The following PTPN4 variants were observed in gnomAD, a reference collection of about 807,000 sequenced individuals.
PTPN4 encodes tyrosine-protein phosphatase non-receptor type 4.
Under a neutral mutation model 135.5 loss-of-function variants are expected in PTPN4, and 49 were observed. That is an observed-to-expected ratio of 0.36 (90% CI 0.29 to 0.46). PTPN4 has a LOEUF of 0.46. PTPN4 is among the 20% of genes least tolerant of loss of function. The pLI, the probability that PTPN4 is intolerant of heterozygous loss-of-function variation, is 1.00. For missense variants in PTPN4, 860 were observed against 1,101.0 expected (o/e 0.78, Z 3.10); for synonymous variants, 333 against 369.9 (o/e 0.90, Z 1.14).
At chr2:119,840,232 A>C (rs1677359587) in intron 2 of PTPN4, among the ~76,000 whole-genome samples, 1 of 152,140 alleles carries the variant, frequency 6.6e-6, no homozygotes, top group Non-Finnish European at 1.5e-5. Flanking sequence ...CCTGGCATCC[A>C]TTAGGTATTC....
chr2:119,808,853 A>T (rs910102061), intron 1 of PTPN4, among the ~76,000 whole-genome samples: 5 of 152,224 alleles, frequency 3.3e-5, no homozygotes, highest in Admixed American at 3.3e-4. Flanking sequence ...TTTTGAAATG[A>T]ATAATCTGTG....
intron 2 of PTPN4, among the ~76,000 whole-genome samples, chr2:119,853,464 G>C (rs964053976): frequency 3.3e-5 from 5 of 151,842 alleles, no homozygotes; most frequent in African/African-American, 7.3e-5. Flanking sequence ...GCTTTTTTAG[G>C]TGATTCTTGC....
chr2:119,949,445 G>A (rs1558772474), intron 18 of PTPN4, among the ~76,000 whole-genome samples: 1 of 151,900 alleles, frequency 6.6e-6, no homozygotes, highest in Non-Finnish European at 1.5e-5. Flanking sequence ...TTTTATATTG[G>A]ACATCTTCTG....
At chr2:119,916,038 T>G (rs1239223889) in intron 11 of PTPN4, 2 of 144,950 alleles carry the variant, frequency 1.4e-5, no homozygotes, top group African/African-American at 5.1e-5. Context: ...AAAAAAAAAA[T>G]GGAAAAAAAA....
rs536792525 is a variant in PTPN4 at position 119,811,716 on chromosome 2, A to G, written c.138+1725A>G. Among the ~76,000 whole-genome samples the G allele has an allele frequency of 9.2e-4, 140 of 152,226 alleles. No individual in the cohort carries two copies. In the Middle Eastern group the frequency reaches 0.02, roughly 22 times the overall value. On this transcript the variant is annotated intron_variant, in intron 2 of 26. Coordinates refer to ENST00000263708, the MANE Select transcript of PTPN4 (RefSeq NM_002830.4). ...CTACTATTTAGTTTTCATTTTAACT[A>G]TAGTTTTGAATGTATTTCAAAATAT...
intron 1 of PTPN4, among the ~76,000 whole-genome samples, chr2:119,774,738 C>G (rs72969125): frequency 0.025 from 3,840 of 152,212 alleles, 161 homozygotes; most frequent in African/African-American, 0.087. Context: ...TTAAGAAAAT[C>G]ACTGAGGGCC....
intron 10 of PTPN4, among the ~76,000 whole-genome samples, chr2:119,909,217 A>G (rs1441001975): frequency 6.6e-6 from 1 of 152,200 alleles, no homozygotes; most frequent in Non-Finnish European, 1.5e-5. Flanking sequence ...GCCATCTAAG[A>G]CTATCATAGA....
chr2:119,894,202 C>A (rs1277056841), intron 9 of PTPN4, among the ~76,000 whole-genome samples: 3 of 152,108 alleles, frequency 2.0e-5, no homozygotes, highest in Admixed American at 2.0e-4. Context: ...TCATTTTTAA[C>A]CTGCATGTAT....
At chr2:119,782,280 G>T (rs1391294395) in intron 1 of PTPN4, among the ~76,000 whole-genome samples, 1 of 152,088 alleles carries the variant, frequency 6.6e-6, no homozygotes, top group Non-Finnish European at 1.5e-5. Context: ...TTAGCCGGGT[G>T]TGGAGACAGG....
chr2:119,951,895 T>C, intron 18 of PTPN4, 78 bp from the exon 19 acceptor site: 1 of 1,172,314 alleles, frequency 8.5e-7, no homozygotes, highest in East Asian at 2.7e-5. Flanking sequence ...TGCTATTGGG[T>C]CTATTAAAAT....
chr2:119,955,369 T>C, intron 20 of PTPN4, 46 bp downstream of exon 20: 2 of 1,425,870 alleles, frequency 1.4e-6, no homozygotes, highest in Non-Finnish European at 1.9e-6. Flanking sequence ...TGATATTTGC[T>C]AACTAGTTTC....
intron 14 of PTPN4, among the ~76,000 whole-genome samples, chr2:119,933,522 A>G (rs537272462): frequency 6.6e-6 from 1 of 152,128 alleles, no homozygotes. Flanking sequence ...TTACAAAAAC[A>G]TACAAAAATT....
intron 26 of PTPN4, among the ~76,000 whole-genome samples, chr2:119,976,049 A>C (rs1157389365): frequency 6.8e-6 from 1 of 148,038 alleles, no homozygotes; most frequent in Non-Finnish European, 1.5e-5. Flanking sequence ...AGGCTGGAGC[A>C]CAGTGGCGCG....
intron 1 of PTPN4, among the ~76,000 whole-genome samples, chr2:119,787,574 G>A (rs1044118712): frequency 2.6e-5 from 4 of 152,024 alleles, no homozygotes; most frequent in African/African-American, 7.3e-5. Context: ...CTAGTAAGTC[G>A]TCAGTACTTA....
At chr2:119,949,574 C>T (rs770858740) in intron 18 of PTPN4, among the ~76,000 whole-genome samples, 1 of 152,106 alleles carries the variant, frequency 6.6e-6, no homozygotes, top group Non-Finnish European at 1.5e-5. Context: ...GGGTGTGATG[C>T]TCATGCCTAT....
intron 22 of PTPN4, 102 bp from the exon 23 acceptor site, chr2:119,960,705 G>A (rs1449007626): frequency 9.1e-7 from 1 of 1,096,246 alleles, no homozygotes; most frequent in African/African-American, 1.6e-5. Flanking sequence ...GTTTATTGAG[G>A]TTAGTTGTAT....
intron 2 of PTPN4, among the ~76,000 whole-genome samples, chr2:119,845,699 T>G (rs1677487803): frequency 6.6e-6 from 1 of 152,162 alleles, no homozygotes; most frequent in African/African-American, 2.4e-5. Flanking sequence ...CTTTATTGTT[T>G]TTTAATTCTC....
intron 2 of PTPN4, among the ~76,000 whole-genome samples, chr2:119,827,441 T>C (rs1404004558): frequency 6.6e-6 from 1 of 152,252 alleles, no homozygotes; most frequent in Non-Finnish European, 1.5e-5. Context: ...GTTTACTTGC[T>C]AATTTTCCTT....
chr2:119,855,718 C>G (rs1360232892), intron 2 of PTPN4, among the ~76,000 whole-genome samples: 3 of 152,182 alleles, frequency 2.0e-5, no homozygotes, highest in African/African-American at 2.4e-5. Flanking sequence ...CCCCACAGAT[C>G]TGTAAGCTGC....
Sources: allele counts gnomAD v4.1 joint callset (sites outside exome capture counted in the v4.1 genomes callset), GRCh38; gene constraint gnomAD v4.1.1; transcripts MANE v1.5; gene names NCBI Gene and HGNC (gene_info 2026-07-23, HGNC 2026-07-21).